The following RBFOX1 variants were observed in gnomAD, a reference collection of about 807,000 sequenced individuals.
RBFOX1 encodes the protein RNA binding fox-1 homolog 1.
A neutral mutation model predicts 57.7 loss-of-function variants in RBFOX1; 8 were observed. The ratio of observed to expected loss-of-function variants is 0.14; its 90% confidence interval spans 0.08 to 0.25. The LOEUF (loss-of-function observed/expected upper bound fraction) is 0.25, where lower values mean the gene tolerates loss of function less well. RBFOX1 is among the 10% of genes least tolerant of loss of function. RBFOX1 has a pLI of 1.00. For missense variants in RBFOX1, 611 were observed against 548.5 expected (o/e 1.11, Z -1.14); for synonymous variants, 326 against 222.4 (o/e 1.47, Z -4.15).
At chr16:6,720,396 G>C (rs2065744089) in intron 3 of RBFOX1, among the ~76,000 whole-genome samples, 1 of 152,134 alleles carries the variant, frequency 6.6e-6, no homozygotes, top group South Asian at 2.1e-4. Flanking sequence ...GCAGAACTGT[G>C]AACCATGTAA....
chr16:6,906,488 C>T (rs76674540), intron 3 of RBFOX1, among the ~76,000 whole-genome samples: 5,540 of 151,984 alleles, frequency 0.036, 253 homozygotes, highest in South Asian at 0.11. Context: ...AGAGTGTATG[C>T]ATTAAAAAAA....
At chr16:6,676,485 G>C (rs1201918820) in intron 3 of RBFOX1, among the ~76,000 whole-genome samples, 1 of 152,000 alleles carries the variant, frequency 6.6e-6, no homozygotes, top group Non-Finnish European at 1.5e-5. Context: ...TGAATGGGGA[G>C]GGCCTTGGGA....
intron 3 of RBFOX1, among the ~76,000 whole-genome samples, chr16:7,027,616 T>C (rs1181096724): frequency 6.6e-6 from 1 of 152,118 alleles, no homozygotes; most frequent in Non-Finnish European, 1.5e-5. Flanking sequence ...CAAGAATGCA[T>C]AGAATTTAAT....
At chr16:7,689,831 G>A (rs181013665) in intron 14 of RBFOX1, among the ~76,000 whole-genome samples, 1 of 152,160 alleles carries the variant, frequency 6.6e-6, no homozygotes, top group Non-Finnish European at 1.5e-5. Context: ...GGCCACTGTA[G>A]AGCAGTTTCT....
intron 3 of RBFOX1, among the ~76,000 whole-genome samples, chr16:6,843,246 A>C (rs1302893757): frequency 6.6e-6 from 1 of 152,174 alleles, no homozygotes; most frequent in Non-Finnish European, 1.5e-5. Flanking sequence ...AACCTTTTGC[A>C]AAGTTGGACA....
At chr16:5,864,787 C>T (rs2057307394) in intron 3 of RBFOX1, among the ~76,000 whole-genome samples, 1 of 152,146 alleles carries the variant, frequency 6.6e-6, no homozygotes, top group Admixed American at 6.5e-5. Flanking sequence ...CCGTGTTTTG[C>T]CTGGGAAAAA....
At chr16:5,795,240 G>A (rs1195287249) in intron 3 of RBFOX1, among the ~76,000 whole-genome samples, 1 of 151,834 alleles carries the variant, frequency 6.6e-6, no homozygotes, top group Admixed American at 6.6e-5. Flanking sequence ...ACTATGCCCA[G>A]TGACACTTGG....
intron 3 of RBFOX1, among the ~76,000 whole-genome samples, chr16:6,875,336 C>T (rs868246017): frequency 1.3e-5 from 2 of 152,130 alleles, no homozygotes; most frequent in East Asian, 1.9e-4. Flanking sequence ...ATATTTTAAT[C>T]TGTCCTTTAT....
At chr16:7,242,491 G>A (rs1315411713) in intron 4 of RBFOX1, among the ~76,000 whole-genome samples, 3 of 152,118 alleles carry the variant, frequency 2.0e-5, no homozygotes, top group African/African-American at 4.8e-5. Flanking sequence ...TAGATACAGT[G>A]TACCTCCCCC....
At chr16:7,690,353 C>T (rs548182447) in intron 14 of RBFOX1, among the ~76,000 whole-genome samples, 4 of 152,138 alleles carry the variant, frequency 2.6e-5, no homozygotes, top group South Asian at 2.1e-4. Flanking sequence ...TGCTGAGGCC[C>T]GAGACCCAGT....
At chr16:6,996,263 C>A (rs143025516) in intron 3 of RBFOX1, among the ~76,000 whole-genome samples, 27 of 152,114 alleles carry the variant, frequency 1.8e-4, no homozygotes, top group African/African-American at 6.3e-4. Context: ...CATATAAATA[C>A]AATGATATTG....
chr16:6,698,786 A>G (rs937437643), intron 3 of RBFOX1, among the ~76,000 whole-genome samples: 1 of 152,190 alleles, frequency 6.6e-6, no homozygotes, highest in Non-Finnish European at 1.5e-5. Context: ...CTTTCTAAGC[A>G]TTATGCAATG....
chr16:6,154,890 G>C (rs1346918141), intron 1 of RBFOX1, among the ~76,000 whole-genome samples: 1 of 152,150 alleles, frequency 6.6e-6, no homozygotes, highest in East Asian at 1.9e-4. Context: ...AAAAGCAATT[G>C]TGTGTTTCCA....
At chr16:6,130,176 T>C (rs995625559) in intron 1 of RBFOX1, among the ~76,000 whole-genome samples, 1 of 152,118 alleles carries the variant, frequency 6.6e-6, no homozygotes, top group Non-Finnish European at 1.5e-5. Flanking sequence ...GGAAAACAGA[T>C]AGTTTACAAT....
chr16:5,953,263 G>A (rs1048868293), intron 4 of RBFOX1, among the ~76,000 whole-genome samples: 9 of 152,212 alleles, frequency 5.9e-5, no homozygotes, highest in Non-Finnish European at 1.5e-5. Context: ...GATGCCCAAT[G>A]AAACTGGAAA....
chr16:5,757,533 T>A (rs2053444594), intron 3 of RBFOX1, among the ~76,000 whole-genome samples: 2 of 151,978 alleles, frequency 1.3e-5, no homozygotes, highest in South Asian at 4.2e-4. Context: ...CCCAGCCGGG[T>A]GGGAAGCTTT....
At chr16:6,505,730 CAA>C (rs1360620594) in intron 2 of RBFOX1, among the ~76,000 whole-genome samples, 1 of 152,114 alleles carries the variant, frequency 6.6e-6, no homozygotes, top group Non-Finnish European at 1.5e-5. Flanking sequence ...ACTAAAAACT[CAA>C]GAGTCTAATG....
chr16:6,659,558 C>T (rs553105387), intron 3 of RBFOX1, among the ~76,000 whole-genome samples: 4 of 152,268 alleles, frequency 2.6e-5, no homozygotes, highest in African/African-American at 9.6e-5. Context: ...AAAGGAAGCT[C>T]AGGCACATTT....
At chr16:5,625,365 C>T (rs2048318242) in intron 3 of RBFOX1, among the ~76,000 whole-genome samples, 1 of 152,058 alleles carries the variant, frequency 6.6e-6, no homozygotes, top group Non-Finnish European at 1.5e-5. Flanking sequence ...CTGCAGTTCT[C>T]AGATGAAGAG....
Sources: gnomAD v4.1 joint callset for allele counts (sites outside exome capture counted in the v4.1 genomes callset) on GRCh38, gnomAD v4.1.1 for gene constraint, MANE v1.5 for transcripts, NCBI Gene and HGNC (gene_info 2026-07-23, HGNC 2026-07-21) for gene names.